TASOR: variants seen among roughly 807,000 people sequenced by gnomAD.
TASOR encodes protein TASOR.
A neutral mutation model predicts 178.6 loss-of-function variants in TASOR; 53 were observed. The observed-to-expected ratio is 0.30, with a 90% CI of 0.24 to 0.37. The LOEUF is 0.37. Ranked by LOEUF, TASOR falls within the 10% of genes least tolerant of loss-of-function variation. TASOR has a pLI of 1.00. For synonymous variants in TASOR, 713 were observed against 696.2 expected (o/e 1.02, Z -0.38); for missense variants, 1,815 against 1,971.4 (o/e 0.92, Z 1.50).
At chr3:56,681,196 ACCT>A (rs1408087636) in intron 1 of TASOR, among the ~76,000 whole-genome samples, 11 of 151,964 alleles carry the variant, frequency 7.2e-5, no homozygotes, top group African/African-American at 2.4e-4. Flanking sequence ...AAATAGTTCC[ACCT>A]CCTACCTCAT....
chr3:56,660,621 A>G (rs761185714), intron 11 of TASOR, 110 bp downstream of exon 11: 1 of 735,260 alleles, frequency 1.4e-6, no homozygotes, highest in Non-Finnish European at 2.2e-6. Flanking sequence ...ACAGACAGAC[A>G]CCTCATGGTA....
chr3:56,630,013 T>C (rs537827546), intron 18 of TASOR, among the ~76,000 whole-genome samples: 1 of 151,348 alleles, frequency 6.6e-6, no homozygotes, highest in East Asian at 1.9e-4. Flanking sequence ...TCACCCAGGC[T>C]GCAGTGCAGT....
At position 56,621,574 on chromosome 3, in the gene TASOR, C is replaced by CAA; in HGVS notation, c.*1462_*1463insTT. ...AAAGGAGTTGGAAAGTAGTCTCCTG[C>CAA]CTTTAGCTGAAAATCAAGAAGAGAG... On this transcript the variant is annotated 3_prime_UTR_variant, in exon 24 of 24. Coordinates refer to ENST00000683822, the MANE Select transcript of TASOR (RefSeq NM_001365635.2). 1 of 1,602,292 alleles carries CAA rather than the reference C, an allele frequency of 6.2e-7. No individual in the cohort carries two copies. Among genetic ancestry groups the CAA allele is most frequent in the Non-Finnish European group, 8.5e-7 (1 of 1,174,750 alleles).
At position 56,647,259 on chromosome 3, in the gene TASOR, T is replaced by C. The variant is rs533905951; in HGVS notation, c.1514-36A>G. 1.2e-5 allele frequency: 17 copies of C among 1,474,052 alleles called. No homozygotes were observed. In the South Asian group the frequency reaches 2.0e-4, roughly 17 times the overall value. The allele number at this position is 1,474,052 out of a possible 1,614,324, so 91.3% of individuals were successfully genotyped here. On this transcript the variant is annotated intron_variant, in intron 13 of 23. Transcript: ENST00000683822. ...AACAAACAAACAAAAAAGCAAACCA[T>C]GTTAGCAATCAAGAAACTAATCAAA...
At chr3:56,666,729 A>G (rs2030022652) in intron 6 of TASOR, among the ~76,000 whole-genome samples, 1 of 152,222 alleles carries the variant, frequency 6.6e-6, no homozygotes, top group Non-Finnish European at 1.5e-5. Flanking sequence ...AAAGCAAAAT[A>G]CTAAGAACAC....
At chr3:56,624,403 T>C (rs2076753764) in intron 23 of TASOR, 76 bp downstream of exon 23, 1 of 1,493,136 alleles carries the variant, frequency 6.7e-7, no homozygotes, top group East Asian at 2.3e-5. Flanking sequence ...AATGGTCATT[T>C]CATTATTTGG....
intron 3 of TASOR, among the ~76,000 whole-genome samples, chr3:56,670,742 C>A (rs1172911723): frequency 6.6e-6 from 1 of 151,442 alleles, no homozygotes; most frequent in African/African-American, 2.4e-5. Context: ...TCAAGACCAG[C>A]CTGGCCAACA....
intron 14 of TASOR, among the ~76,000 whole-genome samples, chr3:56,642,656 C>CT (rs2077149309): frequency 6.6e-6 from 1 of 152,062 alleles, no homozygotes; most frequent in East Asian, 1.9e-4. Flanking sequence ...GGTGAGCTAC[C>CT]TAACAAAGAA....
Position 56,633,181 on chromosome 3 carries a change from C to G in TASOR, c.3610G>C (p.Ala1204Pro). ...PSDVNISAQPALSNFISQLEP... is the reference protein window; with the variant it reads ...PSDVNISAQPPLSNFISQLEP... Reference sequence around the variant, plus strand: ...AACTGGCTTATAAAATTTGAAAGAGCTGGTTGAGCAGAAATGTTTACATCA... The same window carrying G: ...AACTGGCTTATAAAATTTGAAAGAGGTGGTTGAGCAGAAATGTTTACATCA... The change falls in exon 18 of 24, where the codon GCT (alanine) becomes CCT (proline). Residue 1204 changes from alanine (A) to proline (P), a missense_variant. Coordinates refer to ENST00000683822, the MANE Select transcript of TASOR (RefSeq NM_001365635.2). 6.2e-7 allele frequency: 1 copy of G among 1,614,090 alleles called. No homozygotes were observed. Among genetic ancestry groups the G allele is most frequent in the East Asian group, 2.2e-5 (1 of 44,884 alleles).
intron 2 of TASOR, among the ~76,000 whole-genome samples, chr3:56,672,786 A>G (rs1442644862): frequency 6.6e-6 from 1 of 152,212 alleles, no homozygotes; most frequent in Non-Finnish European, 1.5e-5. Context: ...AACATGTACA[A>G]TACTCAAAGA....
intron 11 of TASOR, among the ~76,000 whole-genome samples, chr3:56,654,861 C>G (rs1281928386): frequency 1.3e-5 from 2 of 152,212 alleles, no homozygotes; most frequent in African/African-American, 4.8e-5. Flanking sequence ...CTTGCACCTG[C>G]ATACTCAGAC....
chr3:56,672,742 T>C (rs564246261), intron 2 of TASOR, among the ~76,000 whole-genome samples: 2 of 152,328 alleles, frequency 1.3e-5, no homozygotes, highest in East Asian at 3.9e-4. Flanking sequence ...TATATTTGAC[T>C]TCATTAATTA....
At chr3:56,630,777 G>A (rs984163365) in intron 18 of TASOR, among the ~76,000 whole-genome samples, 12 of 152,082 alleles carry the variant, frequency 7.9e-5, no homozygotes, top group Middle Eastern at 3.2e-3. Context: ...CCCAGAAGGC[G>A]GAGGTTGCAG....
intron 7 of TASOR, among the ~76,000 whole-genome samples, chr3:56,665,759 CAGG>C (rs1205207435): frequency 6.6e-6 from 1 of 152,036 alleles, no homozygotes; most frequent in African/African-American, 2.4e-5. Flanking sequence ...ATCCCGAGGT[CAGG>C]AGATCAAGAC....
intron 6 of TASOR, among the ~76,000 whole-genome samples, chr3:56,667,964 T>C (rs1302862891): frequency 6.6e-6 from 1 of 152,202 alleles, no homozygotes; most frequent in Non-Finnish European, 1.5e-5. Context: ...AAAATACCTA[T>C]CAAATCAATA....
chr3:56,671,560 A>G lies in TASOR; in HGVS notation c.570+40T>C, dbSNP rs372509451. On this transcript the variant is annotated intron_variant, in intron 3 of 23. Coordinates refer to ENST00000683822, the MANE Select transcript of TASOR (RefSeq NM_001365635.2). Reference sequence around the variant, plus strand: ...CACAAAATTAGTAACTTACAATGGAAACATCCCCAAATTGTTTTTTATAAA... The same window carrying G: ...CACAAAATTAGTAACTTACAATGGAGACATCCCCAAATTGTTTTTTATAAA... 2.3e-3 allele frequency: 3,266 copies of G among 1,396,948 alleles called. 86 individuals are homozygous for G. The South Asian group carries it at 0.041, about 18-fold the overall frequency. 86.5% of individuals were successfully genotyped at this position (1,396,948 alleles called of 1,614,324 possible). A position where few individuals can be genotyped will look rare whatever the true frequency, so the allele number is the denominator to read the frequency against.
chr3:56,663,563 G>A lies in TASOR; in HGVS notation c.1032C>T (p.Ser344=). ...PKFVPSSRSN[S]FNTDRNIDKY... The stretch of plus-strand genomic sequence containing the variant: ...TACCTATGTTTCTATCTGTATTAAA[G>A]CTGTTAGATCTACAAATTTTTTAAA... Residue 344 remains serine, a synonymous_variant, in exon 8 of 24, where the codon AGC becomes AGT. Transcript: ENST00000683822. 1 of 1,208,836 alleles carries A rather than the reference G, an allele frequency of 8.3e-7. No individual in the cohort carries two copies. Among genetic ancestry groups the A allele is most frequent in the Non-Finnish European group, 1.1e-6 (1 of 908,258 alleles). The allele number at this position is 1,208,836 out of a possible 1,614,324, so 74.9% of individuals were successfully genotyped here.
intron 23 of TASOR, 128 bp from the exon 24 acceptor site, chr3:56,623,694 C>A: frequency 1.3e-6 from 2 of 1,544,422 alleles, no homozygotes; most frequent in Non-Finnish European, 8.7e-7. Context: ...AAAGCTTGGT[C>A]TTCTGCCACA....
At chr3:56,667,686 CAAG>C (rs1435634992) in intron 6 of TASOR, among the ~76,000 whole-genome samples, 2 of 151,944 alleles carry the variant, frequency 1.3e-5, no homozygotes, top group Non-Finnish European at 2.9e-5. Flanking sequence ...AATTAAAAAA[CAAG>C]AATAGGGAGG....
Sources: gnomAD v4.1 joint callset for allele counts (sites outside exome capture counted in the v4.1 genomes callset) on GRCh38, gnomAD v4.1.1 for gene constraint, MANE v1.5 for transcripts, NCBI Gene and HGNC (gene_info 2026-07-23, HGNC 2026-07-21) for gene names.